CLVS1: variants seen among roughly 807,000 people sequenced by gnomAD.
CLVS1 encodes the protein clavesin-1.
A neutral mutation model predicts 33.1 loss-of-function variants in CLVS1; 10 were observed. That is an observed-to-expected ratio of 0.30 (90% CI 0.19 to 0.51). The LOEUF (loss-of-function observed/expected upper bound fraction) is 0.51, where lower values mean the gene tolerates loss of function less well. CLVS1 is among the 20% of genes least tolerant of loss of function. The pLI is 0.97. For synonymous variants in CLVS1, 163 were observed against 166.1 expected, an observed-to-expected ratio of 0.98 and a Z score of 0.14; for missense variants, 343 against 433.4, an observed-to-expected ratio of 0.79 and a Z score of 1.85.
intron 5 of CLVS1, among the ~76,000 whole-genome samples, chr8:61,497,444 G>GGA (rs1554581110): frequency 2.3e-5 from 3 of 132,570 alleles, no homozygotes; most frequent in Admixed American, 1.5e-4. Flanking sequence ...GTTTTTATTG[G>GGA]GGGGGGGGTG....
intron 2 of CLVS1, among the ~76,000 whole-genome samples, chr8:61,145,956 T>C (rs572638615): frequency 6.6e-6 from 1 of 152,248 alleles, no homozygotes; most frequent in Non-Finnish European, 1.5e-5. Flanking sequence ...TTCTGTGGGT[T>C]ACTGGAAGGC....
the CLVS1 span, among the ~76,000 whole-genome samples, chr8:61,035,920 T>C: frequency 2.0e-5 from 3 of 152,284 alleles, no homozygotes; most frequent in East Asian, 5.8e-4. Flanking sequence ...TCAATGACAC[T>C]TTTGCGTGCA....
At chr8:61,123,446 G>A (rs953787367) in intron 1 of CLVS1, among the ~76,000 whole-genome samples, 1 of 152,126 alleles carries the variant, frequency 6.6e-6, no homozygotes, top group Admixed American at 6.5e-5. Context: ...TTATAAATAC[G>A]TTTGTATGCT....
chr8:61,295,858 C>T (rs1241492346), intron 1 of CLVS1, among the ~76,000 whole-genome samples: 1 of 151,998 alleles, frequency 6.6e-6, no homozygotes, highest in African/African-American at 2.4e-5. Flanking sequence ...GGATTAAATA[C>T]TGTAGTCTAT....
chr8:61,319,467 G>C (rs978208043), intron 2 of CLVS1, among the ~76,000 whole-genome samples: 1 of 152,164 alleles, frequency 6.6e-6, no homozygotes, highest in Non-Finnish European at 1.5e-5. Context: ...GTTACAACTA[G>C]GATTCCTCAC....
the CLVS1 span, among the ~76,000 whole-genome samples, chr8:60,979,849 G>T: frequency 6.6e-6 from 1 of 152,190 alleles, no homozygotes; most frequent in African/African-American, 2.4e-5. Flanking sequence ...CAGAAGAGGT[G>T]ATTGTAGAAC....
intron 2 of CLVS1, among the ~76,000 whole-genome samples, chr8:61,232,030 T>TTG (rs1585708375): frequency 1.2e-4 from 15 of 121,366 alleles, no homozygotes; most frequent in East Asian, 1.0e-3. Flanking sequence ...GTGGTTTTTT[T>TTG]TTTTTTTTTT....
chr8:61,087,933 A>G (rs1206630103), intron 1 of CLVS1, among the ~76,000 whole-genome samples: 1 of 152,222 alleles, frequency 6.6e-6, no homozygotes, highest in Non-Finnish European at 1.5e-5. Context: ...CCCCAATCCT[A>G]TCTTTTGTCC....
intron 1 of CLVS1, among the ~76,000 whole-genome samples, chr8:61,130,248 TAAATA>T (rs1039700093): frequency 7.0e-6 from 1 of 142,702 alleles, no homozygotes; most frequent in African/African-American, 2.5e-5. Flanking sequence ...AAAAAATAAA[TAAATA>T]AATAAATAAA....
At chr8:60,993,745 A>G in the CLVS1 span, among the ~76,000 whole-genome samples, 1 of 151,888 alleles carries the variant, frequency 6.6e-6, no homozygotes, top group Non-Finnish European at 1.5e-5. Context: ...CCCATCAACC[A>G]TTTCTCTAGA....
At chr8:61,007,579 A>G in the CLVS1 span, among the ~76,000 whole-genome samples, 34 of 152,290 alleles carry the variant, frequency 2.2e-4, no homozygotes, top group East Asian at 4.4e-3. Context: ...CCTGACCCTA[A>G]ATGCAAGCCT....
At chr8:61,121,194 C>A (rs997657808) in intron 1 of CLVS1, among the ~76,000 whole-genome samples, 4 of 151,954 alleles carry the variant, frequency 2.6e-5, no homozygotes, top group African/African-American at 7.3e-5. Flanking sequence ...TGACCCCTTG[C>A]GCTTCCAAAG....
chr8:61,471,314 C>T (rs1035113051), intron 5 of CLVS1, among the ~76,000 whole-genome samples: 5 of 152,162 alleles, frequency 3.3e-5, no homozygotes, highest in African/African-American at 1.2e-4. Context: ...AGCATGATGG[C>T]TATTACCTTT....
At chr8:61,464,370 A>G (rs1817474111) in intron 5 of CLVS1, among the ~76,000 whole-genome samples, 1 of 152,166 alleles carries the variant, frequency 6.6e-6, no homozygotes, top group African/African-American at 2.4e-5. Context: ...TTGCTTCAAA[A>G]CTGATTAGTT....
At chr8:61,229,026 C>T (rs186463251) in intron 2 of CLVS1, among the ~76,000 whole-genome samples, 63 of 152,306 alleles carry the variant, frequency 4.1e-4, no homozygotes, top group Admixed American at 2.6e-4. Context: ...CAAAGACACC[C>T]TTTTCTCCAC....
At chr8:61,434,800 GA>G (rs1231679622) in intron 3 of CLVS1, among the ~76,000 whole-genome samples, 1 of 152,084 alleles carries the variant, frequency 6.6e-6, no homozygotes, top group Non-Finnish European at 1.5e-5. Context: ...CTTATCATTG[GA>G]CCTAAAAGGG....
intron 1 of CLVS1, among the ~76,000 whole-genome samples, chr8:61,110,137 T>C (rs942558235): frequency 1.3e-5 from 2 of 152,172 alleles, no homozygotes; most frequent in East Asian, 1.9e-4. Flanking sequence ...GAATCGGAGC[T>C]GTCTCACTTG....
intron 1 of CLVS1, among the ~76,000 whole-genome samples, chr8:61,072,348 T>A (rs545023961): frequency 1.1e-4 from 16 of 152,236 alleles, no homozygotes; most frequent in Non-Finnish European, 2.1e-4. Context: ...ATGTTTCTAG[T>A]GTAAAATATG....
At chr8:61,266,047 C>T (rs1325610763) in intron 2 of CLVS1, among the ~76,000 whole-genome samples, 2 of 152,118 alleles carry the variant, frequency 1.3e-5, no homozygotes, top group Non-Finnish European at 2.9e-5. Context: ...CTGTTCGTCT[C>T]CCCATGAAAT....
Sources: allele counts gnomAD v4.1 joint callset (sites outside exome capture counted in the v4.1 genomes callset), GRCh38; gene constraint gnomAD v4.1.1; transcripts MANE v1.5; gene names NCBI Gene and HGNC (gene_info 2026-07-23, HGNC 2026-07-21).